GLIS3: variants seen among roughly 807,000 people sequenced by gnomAD.
GLIS3 encodes the protein GLIS family zinc finger 3.
GLIS3 carries 53 observed loss-of-function variants against 78.6 expected under a neutral mutation model. That is an observed-to-expected ratio of 0.67 (90% CI 0.54 to 0.85). The LOEUF (loss-of-function observed/expected upper bound fraction) is 0.85, where lower values mean the gene tolerates loss of function less well. Among genes scored for constraint, GLIS3 ranks in the 40% least tolerant of loss-of-function variants. The pLI, the probability that GLIS3 is intolerant of heterozygous loss-of-function variation, is 0.00. For synonymous variants in GLIS3, 684 were observed against 509.9 expected (o/e 1.34, Z -4.60); for missense variants, 1,703 against 1,231.1 (o/e 1.38, Z -5.74).
chr9:3,925,473 G>A (rs111413617), intron 6 of GLIS3, among the ~76,000 whole-genome samples: 201 of 152,288 alleles, frequency 1.3e-3, no homozygotes, highest in African/African-American at 4.7e-3. Context: ...GCCAGAGCTG[G>A]TGTCTGTGTG....
intron 5 of GLIS3, among the ~76,000 whole-genome samples, chr9:3,935,718 T>G (rs772816478): frequency 2.0e-5 from 3 of 152,180 alleles, no homozygotes; most frequent in Non-Finnish European, 4.4e-5. Context: ...TTAACACAAT[T>G]TATTCTTTTT....
chr9:4,302,160 A>G (rs1817101373), upstream of GLIS3, among the ~76,000 whole-genome samples: 1 of 152,098 alleles, frequency 6.6e-6, no homozygotes, highest in South Asian at 2.1e-4. Context: ...GAGGGTGGTA[A>G]TGAGAGACAG....
At chr9:4,018,978 T>C (rs1822653781) in intron 4 of GLIS3, among the ~76,000 whole-genome samples, 2 of 152,166 alleles carry the variant, frequency 1.3e-5, no homozygotes. Context: ...GAAGTCCTAT[T>C]AAGGCATGAG....
chr9:4,030,239 T>C (rs1318955868), intron 4 of GLIS3, among the ~76,000 whole-genome samples: 1 of 152,228 alleles, frequency 6.6e-6, no homozygotes, highest in Admixed American at 6.5e-5. Context: ...GCCATTTGTA[T>C]GTCTTCTTTT....
chr9:4,432,738 T>G, the GLIS3 span, among the ~76,000 whole-genome samples: 2 of 148,276 alleles, frequency 1.3e-5, no homozygotes, highest in South Asian at 4.3e-4. Flanking sequence ...CCCCCTGCGC[T>G]CAAGTGATTC....
At chr9:4,030,154 T>A (rs1316146792) in intron 4 of GLIS3, among the ~76,000 whole-genome samples, 1 of 152,226 alleles carries the variant, frequency 6.6e-6, no homozygotes, top group Non-Finnish European at 1.5e-5. Context: ...TATGGTGAGA[T>A]GATATCGCCT....
intron 2 of GLIS3, among the ~76,000 whole-genome samples, chr9:4,334,491 CAAGTCCAAGCT>C (rs924920340): frequency 2.0e-5 from 3 of 152,230 alleles, no homozygotes; most frequent in Non-Finnish European, 4.4e-5. Flanking sequence ...CATTAATCAG[CAAGTCCAAGCT>C]AGGGCAGACT....
At chr9:4,327,520 G>C (rs1345924128) in intron 2 of GLIS3, among the ~76,000 whole-genome samples, 3 of 152,144 alleles carry the variant, frequency 2.0e-5, no homozygotes, top group East Asian at 3.8e-4. Context: ...GTGGGATTTA[G>C]GGAGTAAAAG....
intron 9 of GLIS3, 91 bp downstream of exon 9, chr9:3,855,918 G>A (rs1819751938): frequency 7.4e-7 from 1 of 1,355,126 alleles, no homozygotes; most frequent in Admixed American, 1.7e-5. Context: ...GTAGAACAGA[G>A]CATCTGAAAT....
At chr9:3,845,927 T>A (rs574878729) in intron 9 of GLIS3, among the ~76,000 whole-genome samples, 3 of 152,320 alleles carry the variant, frequency 2.0e-5, no homozygotes, top group African/African-American at 7.2e-5. Context: ...GTTTCAAGAT[T>A]TAAAACTTCT....
At position 3,825,698 on chromosome 9, in the gene GLIS3, C is replaced by A. The variant is rs959060725; in HGVS notation, c.*2574G>T. On this transcript the variant is annotated 3_prime_UTR_variant, in exon 11 of 11. Transcript: ENST00000381971. ...GTAAGCAAGGGACAAATTTTAAGGT[C>A]AGGAAAGACTCTCGAATCTAAGCAT... 6.6e-6 allele frequency: 1 copy of A among 152,124 alleles called. No homozygotes were observed. Among genetic ancestry groups the A allele is most frequent in the Admixed American group, 6.6e-5 (1 of 15,262 alleles). 9.4% of individuals were successfully genotyped at this position (152,124 alleles called of 1,614,324 possible).
intron 1 of GLIS3, among the ~76,000 whole-genome samples, chr9:4,289,440 G>T (rs7033801): frequency 6.6e-6 from 1 of 152,056 alleles, no homozygotes; most frequent in African/African-American, 2.4e-5. Flanking sequence ...GCCCATCAGC[G>T]ATGTGTTGTC....
intron 2 of GLIS3, among the ~76,000 whole-genome samples, chr9:4,224,504 G>C (rs1821598807): frequency 6.6e-6 from 1 of 152,110 alleles, no homozygotes; most frequent in South Asian, 2.1e-4. Flanking sequence ...GAAGAGTTCT[G>C]TGCTTCACTA....
intron 4 of GLIS3, among the ~76,000 whole-genome samples, chr9:3,961,155 A>C (rs1817521503): frequency 6.6e-6 from 1 of 152,170 alleles, no homozygotes; most frequent in Non-Finnish European, 1.5e-5. Context: ...GATCACCCTA[A>C]ATAGGCCCTT....
In GLIS3 at chr9:3,829,482, C is replaced by A. The variant is rs540165114; in HGVS notation, c.2484G>T (p.Gly828=). The A allele has an allele frequency of 2.0e-5, 32 of 1,614,082 alleles. No individual in the cohort carries two copies. In the South Asian group the frequency reaches 2.9e-4, roughly 14 times the overall value. The change falls in exon 10 of 11, where the codon GGG becomes GGT. Residue 828 remains glycine, a synonymous_variant. Transcript: ENST00000381971. ...PNGIHVHGFY[G]QLQKFCPPHY... ...GTGGGGGACAGAACTTCTGCAGCTG[C>A]CCATAAAATCCTGAAACGCAAGCAT...
intron 2 of GLIS3, among the ~76,000 whole-genome samples, chr9:4,226,951 T>G (rs780967536): frequency 1.1e-4 from 17 of 152,178 alleles, no homozygotes; most frequent in Non-Finnish European, 2.2e-4. Context: ...AAGAGGTGCA[T>G]AGCTGATCTC....
chr9:4,305,244 T>A (rs1817198913), intron 4 of GLIS3: 1 of 152,268 alleles, frequency 6.6e-6, no homozygotes, highest in Admixed American at 6.5e-5. Context: ...ATGTATTTGT[T>A]TATTCACTCA....
At chr9:4,474,127 G>T in the GLIS3 span, among the ~76,000 whole-genome samples, 5 of 152,100 alleles carry the variant, frequency 3.3e-5, no homozygotes, top group Non-Finnish European at 5.9e-5. Flanking sequence ...TTCAAAGGAT[G>T]ATTAATAAGC....
chr9:3,970,760 G>A (rs1818319767), intron 4 of GLIS3, among the ~76,000 whole-genome samples: 1 of 152,100 alleles, frequency 6.6e-6, no homozygotes, highest in South Asian at 2.1e-4. Flanking sequence ...CTAAACTTTG[G>A]AGAACAATTT....
Sources: allele counts gnomAD v4.1 joint callset (sites outside exome capture counted in the v4.1 genomes callset), GRCh38; gene constraint gnomAD v4.1.1; transcripts MANE v1.5; gene names NCBI Gene and HGNC (gene_info 2026-07-23, HGNC 2026-07-21).